TBC1D15: variants seen among roughly 807,000 people sequenced by gnomAD.
The protein encoded by TBC1D15 is GAP for RAB7.
In TBC1D15, 39 loss-of-function variants were observed where a neutral mutation model predicts 95.4. The ratio of observed to expected loss-of-function variants is 0.41; its 90% confidence interval spans 0.32 to 0.53. The LOEUF is 0.53. Among genes scored for constraint, TBC1D15 ranks in the 20% least tolerant of loss-of-function variants. The pLI is 0.29. For synonymous variants in TBC1D15, 258 were observed against 261.3 expected, an observed-to-expected ratio of 0.99 and a Z score of 0.12; for missense variants, 733 against 794.3, an observed-to-expected ratio of 0.92 and a Z score of 0.93.
At chr12:71,843,145 G>A (rs901633596) in intron 1 of TBC1D15, among the ~76,000 whole-genome samples, 6 of 152,056 alleles carry the variant, frequency 3.9e-5, no homozygotes, top group African/African-American at 1.4e-4. Context: ...GCCGGGCATG[G>A]TGGTACACGC....
intron 3 of TBC1D15, among the ~76,000 whole-genome samples, chr12:71,878,456 A>G (rs1445350233): frequency 6.6e-6 from 1 of 151,824 alleles, no homozygotes; most frequent in Non-Finnish European, 1.5e-5. Context: ...ACTCTTGTAG[A>G]TGCTTCTTAG....
chr12:71,861,394 GT>G, intron 1 of TBC1D15: 10 of 1,426,936 alleles, frequency 7.0e-6, no homozygotes, highest in South Asian at 1.5e-5. Context: ...TACTGTAATT[GT>G]TTTTTTCAGG....
intron 12 of TBC1D15, 100 bp from the exon 13 acceptor site, chr12:71,917,598 G>A (rs886775481): frequency 2.7e-6 from 2 of 742,612 alleles, no homozygotes; most frequent in African/African-American, 3.5e-5. Flanking sequence ...TGTGGTATAA[G>A]TTCAGCATTT....
At chr12:71,862,814 AATGAGTTTTATACTTT>A (rs1327499828) in intron 1 of TBC1D15, among the ~76,000 whole-genome samples, 1 of 152,160 alleles carries the variant, frequency 6.6e-6, no homozygotes, top group African/African-American at 2.4e-5. Context: ...CTGCTCTAGC[AATGAGTTTTATACTTT>A]TGTATGTTTT....
chr12:71,878,626 G>A (rs1445637026), intron 3 of TBC1D15, among the ~76,000 whole-genome samples: 2 of 151,380 alleles, frequency 1.3e-5, no homozygotes, highest in African/African-American at 4.9e-5. Context: ...AGCGATTCTG[G>A]TGCTCCAGCC....
intron 1 of TBC1D15, among the ~76,000 whole-genome samples, chr12:71,841,434 T>C (rs1884973721): frequency 6.6e-6 from 1 of 152,156 alleles, no homozygotes. Context: ...TGAAACTAGT[T>C]TTCCATGCCA....
At chr12:71,864,329 A>T (rs572665929) in intron 1 of TBC1D15, among the ~76,000 whole-genome samples, 1 of 151,836 alleles carries the variant, frequency 6.6e-6, no homozygotes, top group Admixed American at 6.6e-5. Context: ...CAGCCTCCCA[A>T]AGTGCTGGGA....
At chr12:71,886,882 C>T (rs575831598) in intron 5 of TBC1D15, among the ~76,000 whole-genome samples, 9 of 152,054 alleles carry the variant, frequency 5.9e-5, no homozygotes, top group African/African-American at 1.4e-4. Context: ...AGCTCAGTAT[C>T]GGTGTTGCGA....
chr12:71,887,261 AACTATTTTT>A (rs1896417141), intron 5 of TBC1D15, among the ~76,000 whole-genome samples: 1 of 152,072 alleles, frequency 6.6e-6, no homozygotes, highest in East Asian at 1.9e-4. Context: ...ATCAACTATC[AACTATTTTT>A]ACTTGATTAC....
chr12:71,897,292 ACTT>A, intron 9 of TBC1D15: 1 of 153,994 alleles, frequency 6.5e-6, no homozygotes, highest in South Asian at 2.0e-4. Flanking sequence ...TCCAGGTACA[ACTT>A]CTTGTTCTCA....
intron 10 of TBC1D15, among the ~76,000 whole-genome samples, chr12:71,898,597 C>T (rs1368130342): frequency 6.6e-6 from 1 of 152,032 alleles, no homozygotes; most frequent in Non-Finnish European, 1.5e-5. Context: ...AATGACCTGT[C>T]CAAGGTCACA....
intron 10 of TBC1D15, among the ~76,000 whole-genome samples, chr12:71,905,885 A>G (rs1348996166): frequency 2.0e-5 from 3 of 151,402 alleles, no homozygotes. Flanking sequence ...AATTATTACT[A>G]TTTTTGAGAC....
chr12:71,921,864 GTTATTAA>G (rs1869492993), intron 16 of TBC1D15, among the ~76,000 whole-genome samples: 1 of 152,148 alleles, frequency 6.6e-6, no homozygotes, highest in African/African-American at 2.4e-5. Flanking sequence ...TATTAGTCAA[GTTATTAA>G]TTATTTTAAA....
intron 1 of TBC1D15, among the ~76,000 whole-genome samples, chr12:71,857,962 A>G (rs1889477530): frequency 6.6e-6 from 1 of 152,084 alleles, no homozygotes; most frequent in South Asian, 2.1e-4. Flanking sequence ...TGGCTGGTGT[A>G]TTTTACTTAA....
At chr12:71,849,899 C>A (rs1008529158) in intron 1 of TBC1D15, 9 of 570,614 alleles carry the variant, frequency 1.6e-5, no homozygotes, top group African/African-American at 1.3e-4. Context: ...CCAAAGCTTC[C>A]AGCGTCTTGA....
intron 8 of TBC1D15, chr12:71,896,409 C>G (rs1041525286): frequency 6.6e-6 from 3 of 457,530 alleles, no homozygotes; most frequent in Non-Finnish European, 3.9e-6. Flanking sequence ...TAAGATTGGG[C>G]TTAGACTCAC....
chr12:71,854,552 C>G (rs1041395719), intron 1 of TBC1D15: 1 of 456,422 alleles, frequency 2.2e-6, no homozygotes, highest in African/African-American at 2.0e-5. Flanking sequence ...CTGTTCTGTA[C>G]CTTCTGACAG....
intron 12 of TBC1D15, among the ~76,000 whole-genome samples, chr12:71,915,598 G>C (rs1903524887): frequency 6.6e-6 from 1 of 151,966 alleles, no homozygotes; most frequent in South Asian, 2.1e-4. Flanking sequence ...TGTGTATATA[G>C]GTCTCATATG....
intron 4 of TBC1D15, 78 bp from the exon 5 acceptor site, chr12:71,884,733 A>G: frequency 7.5e-7 from 1 of 1,341,036 alleles, no homozygotes; most frequent in East Asian, 2.4e-5. Flanking sequence ...AATTTATGTT[A>G]GGCAGTCATG....
Sources: allele counts gnomAD v4.1 joint callset (sites outside exome capture counted in the v4.1 genomes callset), GRCh38; gene constraint gnomAD v4.1.1; transcripts MANE v1.5; gene names NCBI Gene and HGNC (gene_info 2026-07-23, HGNC 2026-07-21).